The following LRRC7 variants were observed in gnomAD, a reference collection of about 807,000 sequenced individuals.
LRRC7 encodes the protein leucine-rich repeat-containing protein 7.
LRRC7 carries 23 observed loss-of-function variants against 175.7 expected under a neutral mutation model. The observed-to-expected ratio is 0.13, with a 90% confidence interval of 0.09 to 0.19. LRRC7 has a LOEUF of 0.19. LRRC7 is among the 10% of genes least tolerant of loss of function. LRRC7 has a pLI of 1.00. For missense variants in LRRC7, 1,354 were observed against 1,904.7 expected (o/e 0.71, Z 5.38); for synonymous variants, 685 against 680.9 (o/e 1.01, Z -0.09).
At chr1:70,060,684 C>T (rs917403954) in intron 23 of LRRC7, among the ~76,000 whole-genome samples, 4 of 152,142 alleles carry the variant, frequency 2.6e-5, no homozygotes, top group African/African-American at 9.7e-5. Flanking sequence ...ATATGAAAAT[C>T]AACCAGGTAA....
At chr1:69,717,934 AAG>A (rs1665757772) in intron 2 of LRRC7, among the ~76,000 whole-genome samples, 1 of 45,508 alleles carries the variant, frequency 2.2e-5, no homozygotes, top group Non-Finnish European at 3.9e-5. Context: ...AAAGAAAAGA[AAG>A]AAAGAAAGAA....
chr1:69,675,463 G>T (rs149348913), intron 1 of LRRC7, among the ~76,000 whole-genome samples: 3 of 152,090 alleles, frequency 2.0e-5, no homozygotes, highest in Admixed American at 1.3e-4. Flanking sequence ...AACATAACTT[G>T]TCATTCCCCA....
At chr1:69,583,827 G>A (rs1646297472) in intron 1 of LRRC7, among the ~76,000 whole-genome samples, 3 of 152,202 alleles carry the variant, frequency 2.0e-5, no homozygotes, top group Middle Eastern at 6.8e-3. Flanking sequence ...TTGACAAAGG[G>A]TGATATTATC....
intron 2 of LRRC7, among the ~76,000 whole-genome samples, chr1:69,720,616 G>A (rs1223004685): frequency 8.9e-6 from 1 of 111,978 alleles, no homozygotes; most frequent in African/African-American, 3.4e-5. Flanking sequence ...CTGGTATCCT[G>A]GAAACTTTCT....
intron 2 of LRRC7, among the ~76,000 whole-genome samples, chr1:69,692,720 C>G (rs1432646193): frequency 2.0e-5 from 3 of 152,172 alleles, no homozygotes; most frequent in African/African-American, 7.2e-5. Flanking sequence ...GGCTCTCCCT[C>G]TTGTGTGCTT....
intron 7 of LRRC7, among the ~76,000 whole-genome samples, chr1:69,886,063 T>A (rs1156454040): frequency 2.6e-4 from 39 of 149,994 alleles, no homozygotes; most frequent in Non-Finnish European, 3.9e-4. Context: ...GGAATAGGTG[T>A]GGTGTGGTGC....
intron 11 of LRRC7, among the ~76,000 whole-genome samples, chr1:70,011,473 A>C (rs1249557444): frequency 6.6e-6 from 1 of 152,126 alleles, no homozygotes; most frequent in Non-Finnish European, 1.5e-5. Flanking sequence ...TGACAGTTAT[A>C]GTCACTCATT....
intron 14 of LRRC7, among the ~76,000 whole-genome samples, chr1:70,016,856 T>A (rs1657005884): frequency 1.3e-5 from 2 of 152,152 alleles, no homozygotes; most frequent in Admixed American, 1.3e-4. Context: ...TTTAATTATA[T>A]CTCTGAAGGT....
Position 70,023,248 on chromosome 1 carries a change from C to G in LRRC7, c.1668C>G (p.Pro556=). The change falls in exon 17 of 27, where the codon CCC becomes CCG. Residue 556 remains proline (P), a synonymous_variant. Transcript: ENST00000651989. ...GTGATCAGCAGATCCAAGATATGCC[C>G]GTCCCCCAGAATGACCCACAGCTGG... ...ARCDQQIQDM[P]VPQNDPQLAW... The G allele has an allele frequency of 1.9e-6, 3 of 1,612,902 alleles. No individual in the cohort carries two copies. Among genetic ancestry groups the G allele is most frequent in the East Asian group, 2.2e-5 (1 of 44,760 alleles).
At chr1:70,003,692 C>T (rs554527985) in intron 11 of LRRC7, among the ~76,000 whole-genome samples, 36 of 152,246 alleles carry the variant, frequency 2.4e-4, no homozygotes, top group African/African-American at 8.2e-4. Flanking sequence ...ACTTCCTCCT[C>T]CACTTCCTTC....
intron 24 of LRRC7, among the ~76,000 whole-genome samples, chr1:70,077,489 A>G (rs1427068949): frequency 6.6e-6 from 1 of 152,216 alleles, no homozygotes; most frequent in African/African-American, 2.4e-5. Context: ...TTAAAAAATT[A>G]TTCATAGATA....
intron 7 of LRRC7, among the ~76,000 whole-genome samples, chr1:69,921,465 A>C (rs1338218311): frequency 6.6e-6 from 1 of 152,118 alleles, no homozygotes; most frequent in Non-Finnish European, 1.5e-5. Flanking sequence ...ATTCCATTCT[A>C]ATATACTCTC....
At chr1:70,068,458 T>C (rs906156657) in intron 23 of LRRC7, among the ~76,000 whole-genome samples, 2 of 152,192 alleles carry the variant, frequency 1.3e-5, no homozygotes, top group African/African-American at 4.8e-5. Context: ...CATCTCTTGG[T>C]CATGGTATAT....
At chr1:69,846,632 T>C (rs1682401911) in intron 7 of LRRC7, among the ~76,000 whole-genome samples, 1 of 152,142 alleles carries the variant, frequency 6.6e-6, no homozygotes, top group Non-Finnish European at 1.5e-5. Flanking sequence ...TGCTTGTTTA[T>C]GGGTTATTTA....
intron 1 of LRRC7, among the ~76,000 whole-genome samples, chr1:69,578,388 T>C (rs1646047767): frequency 6.8e-6 from 1 of 147,762 alleles, no homozygotes; most frequent in Admixed American, 6.8e-5. Flanking sequence ...GTGTGGCGAT[T>C]CCTCAGGGAT....
At chr1:69,824,037 C>T (rs1183581722) in intron 4 of LRRC7, among the ~76,000 whole-genome samples, 1 of 152,170 alleles carries the variant, frequency 6.6e-6, no homozygotes, top group East Asian at 1.9e-4. Context: ...GCACCATTTT[C>T]ACCACAGTAG....
At chr1:69,945,321 G>A (rs2101808442) in intron 8 of LRRC7, among the ~76,000 whole-genome samples, 1 of 152,118 alleles carries the variant, frequency 6.6e-6, no homozygotes, top group Non-Finnish European at 1.5e-5. Context: ...TATAAATGTG[G>A]TTTTATTTCT....
At chr1:69,777,602 C>T (rs1244936499) in intron 3 of LRRC7, among the ~76,000 whole-genome samples, 1 of 152,178 alleles carries the variant, frequency 6.6e-6, no homozygotes, top group African/African-American at 2.4e-5. Context: ...CCCCTTGAAA[C>T]CTATCTCCTG....
chr1:69,882,781 A>G, intron 7 of LRRC7, among the ~76,000 whole-genome samples: 1 of 105,852 alleles, frequency 9.4e-6, no homozygotes. Context: ...ACCCCACCAC[A>G]GTATCCAGAG....
Sources: allele counts gnomAD v4.1 joint callset (sites outside exome capture counted in the v4.1 genomes callset), GRCh38; gene constraint gnomAD v4.1.1; transcripts MANE v1.5; gene names NCBI Gene and HGNC (gene_info 2026-07-23, HGNC 2026-07-21).